The following CPNE9 variants were observed in gnomAD, a reference collection of about 807,000 sequenced individuals.
CPNE9 encodes copine-9.
CPNE9 carries 59 observed loss-of-function variants against 83.0 expected under a neutral mutation model. That is an observed-to-expected ratio of 0.71 (90% CI 0.58 to 0.88). The LOEUF (loss-of-function observed/expected upper bound fraction) is 0.88, where lower values mean the gene tolerates loss of function less well. CPNE9 is among the 40% of genes least tolerant of loss of function. The pLI, the probability that CPNE9 is intolerant of heterozygous loss-of-function variation, is 0.00. For missense variants in CPNE9, 619 were observed against 720.8 expected (o/e 0.86, Z 1.62); for synonymous variants, 256 against 273.4 (o/e 0.94, Z 0.63).
In CPNE9 at chr3:9,704,954, G is replaced by A; in HGVS notation, c.220G>A (p.Asp74Asn). 2 of 1,613,302 alleles carry A rather than the reference G, an allele frequency of 1.2e-6. No homozygotes were observed. Among genetic ancestry groups the A allele is most frequent in the Non-Finnish European group, 1.7e-6 (2 of 1,179,866 alleles). ...NPDFVRKFVL[D>N]YFFEEKQNLR... ...AGACTTCGTGCGCAAATTCGTCCTC[G>A]ACTATTTCTTTGAGGAAAAGCAAAA... The change falls in exon 4 of 21, where the codon GAC becomes AAC. Residue 74 changes from aspartate to asparagine, a missense_variant. Asp to Asn is a conservative substitution (Grantham distance 23). Coordinates refer to ENST00000383832, the MANE Select transcript of CPNE9 (RefSeq NM_153635.3). This position sits in a 1 kb window ranked among gnomAD's most constrained non-coding sequence, Gnocchi z 7.1.
At chr3:9,711,532 C>CT (rs1442441910) in intron 7 of CPNE9, among the ~76,000 whole-genome samples, 4 of 152,158 alleles carry the variant, frequency 2.6e-5, no homozygotes, top group African/African-American at 9.7e-5. Context: ...CGAATAGAAC[C>CT]TATTCTCATC....
intron 6 of CPNE9, 102 bp from the exon 7 acceptor site, chr3:9,705,885 C>G (rs1316599140): frequency 7.1e-7 from 1 of 1,406,650 alleles, no homozygotes; most frequent in Non-Finnish European, 9.9e-7. Flanking sequence ...ACCACTCATT[C>G]GCCTGGGAAC....
chr3:9,718,736 C>T (rs1392523509), intron 17 of CPNE9, 134 bp downstream of exon 17: 5 of 1,056,004 alleles, frequency 4.7e-6, no homozygotes, highest in East Asian at 2.7e-5. Context: ...CATGGTGGCT[C>T]ATACCTGTAA....
chr3:9,728,801 C>T (rs1349986415), intron 20 of CPNE9, among the ~76,000 whole-genome samples: 3 of 151,760 alleles, frequency 2.0e-5, no homozygotes, highest in Admixed American at 6.6e-5. Flanking sequence ...CTCTCCTAGG[C>T]CTCTCTCTCT....
intron 7 of CPNE9, among the ~76,000 whole-genome samples, chr3:9,707,791 CA>C (rs57310594): frequency 0.11 from 5,689 of 49,660 alleles, 105 homozygotes; most frequent in Middle Eastern, 0.18. Flanking sequence ...ACAAAAAAGA[CA>C]AAAAAAAAAA....
chr3:9,727,258 C>T, intron 20 of CPNE9, 72 bp downstream of exon 20: 1 of 1,466,446 alleles, frequency 6.8e-7, no homozygotes, highest in South Asian at 1.1e-5. Flanking sequence ...GAGCCACTTT[C>T]ACTTACTGCC....
At chr3:9,706,127 T>C in intron 7 of CPNE9, 64 bp downstream of exon 7, 1 of 1,501,318 alleles carries the variant, frequency 6.7e-7, no homozygotes, top group South Asian at 1.1e-5. Context: ...CTCCCAAGGA[T>C]GCCGCTGACT....
intron 20 of CPNE9, among the ~76,000 whole-genome samples, chr3:9,729,147 C>A (rs1270749031): frequency 6.6e-6 from 1 of 152,012 alleles, no homozygotes; most frequent in Admixed American, 6.6e-5. Flanking sequence ...AAGAGTGGGA[C>A]GTGTCCAGAA....
At chr3:9,721,923 GTTT>G (rs570054741) in intron 17 of CPNE9, among the ~76,000 whole-genome samples, 1 of 144,584 alleles carries the variant, frequency 6.9e-6, no homozygotes, top group Non-Finnish European at 1.5e-5. Flanking sequence ...TTTGTTTTTA[GTTT>G]TTTTTTTTTT....
chr3:9,704,720 C>T lies in CPNE9; in HGVS notation c.110-29C>T, dbSNP rs767695683. 9 of 1,611,836 alleles carry T rather than the reference C, an allele frequency of 5.6e-6. No homozygotes were observed. The highest frequency in any genetic ancestry group is 1.7e-5 in the Admixed American group (1 of 59,988). ...GGGCCAGGGGTGGGAGCCGACCTGACGTCCTTCCCTCCCCGCCCCCACCTG... is the reference window on the plus strand; with the variant it reads ...GGGCCAGGGGTGGGAGCCGACCTGATGTCCTTCCCTCCCCGCCCCCACCTG... On this transcript the variant is annotated intron_variant, in intron 2 of 20. Transcript: ENST00000383832. The surrounding 1 kb of genome is among the most constrained non-coding windows in gnomAD (Gnocchi z 7.1).
At chr3:9,724,950 T>C (rs1040855443) in intron 17 of CPNE9, among the ~76,000 whole-genome samples, 1 of 151,792 alleles carries the variant, frequency 6.6e-6, no homozygotes, top group African/African-American at 2.4e-5. Flanking sequence ...AGAGACAGGG[T>C]TTCACCATAT....
chr3:9,724,882 G>A (rs184356004), intron 17 of CPNE9, among the ~76,000 whole-genome samples: 4 of 152,072 alleles, frequency 2.6e-5, no homozygotes, highest in African/African-American at 7.2e-5. Context: ...TCAGCCTCCC[G>A]AGTAGCTGGG....
At chr3:9,721,457 G>A (rs1482244135) in intron 17 of CPNE9, among the ~76,000 whole-genome samples, 1 of 152,178 alleles carries the variant, frequency 6.6e-6, no homozygotes, top group Admixed American at 6.5e-5. Flanking sequence ...TGTACTTATA[G>A]TCATCTAGCT....
At chr3:9,709,939 G>A (rs559313205) in intron 7 of CPNE9, among the ~76,000 whole-genome samples, 11 of 144,492 alleles carry the variant, frequency 7.6e-5, no homozygotes, top group South Asian at 4.4e-4. Context: ...GCAGTGAGCC[G>A]AGATCACACC....
chr3:9,705,945 A>C (rs2076559774), intron 6 of CPNE9, 42 bp from the exon 7 acceptor site: 2 of 1,599,546 alleles, frequency 1.3e-6, no homozygotes, highest in African/African-American at 1.3e-5. Flanking sequence ...GGGACTCAGC[A>C]CTCAAGAGCT....
At chr3:9,707,299 G>A (rs2076573801) in intron 7 of CPNE9, among the ~76,000 whole-genome samples, 1 of 144,750 alleles carries the variant, frequency 6.9e-6, no homozygotes, top group African/African-American at 2.6e-5. Flanking sequence ...CTTGCAGTGA[G>A]CTGAGATTGT....
chr3:9,727,064 G>C (rs201076684), intron 19 of CPNE9, 49 bp from the exon 20 acceptor site: 1 of 1,600,182 alleles, frequency 6.2e-7, no homozygotes, highest in Non-Finnish European at 8.6e-7. Flanking sequence ...GGGCAGCATG[G>C]GGTGGGGCTG....
chr3:9,717,220 A>G (rs2076692196), intron 15 of CPNE9, 116 bp downstream of exon 15: 2 of 1,080,030 alleles, frequency 1.9e-6, no homozygotes, highest in Non-Finnish European at 2.8e-6. Context: ...AGAAGCCCAA[A>G]CTTAGGCAAA....
At chr3:9,705,330 G>A (rs953720432) in intron 4 of CPNE9, 134 bp from the exon 5 acceptor site, 25 of 714,312 alleles carry the variant, frequency 3.5e-5, no homozygotes, top group South Asian at 3.0e-4. Flanking sequence ...TCCCCAAAAG[G>A]AGACCAAAGC....
Sources: gnomAD v4.1 joint callset for allele counts (sites outside exome capture counted in the v4.1 genomes callset) on GRCh38, gnomAD v4.1.1 for gene constraint, Gnocchi (gnomAD v3.1) non-coding constraint, MANE v1.5 for transcripts, NCBI Gene and HGNC (gene_info 2026-07-23, HGNC 2026-07-21) for gene names.